DLGAP2: variants seen among roughly 807,000 people sequenced by gnomAD.
DLGAP2 encodes the protein disks large-associated protein 2.
A neutral mutation model predicts 100.3 loss-of-function variants in DLGAP2; 26 were observed. That is an observed-to-expected ratio of 0.26 (90% CI 0.19 to 0.36). DLGAP2 has a LOEUF of 0.36. Among genes scored for constraint, DLGAP2 ranks in the 10% least tolerant of loss-of-function variants. The pLI is 1.00. For missense variants in DLGAP2, 1,858 were observed against 1,453.2 expected (o/e 1.28, Z -4.53); for synonymous variants, 886 against 630.1 (o/e 1.41, Z -6.08).
chr8:1,614,829 C>G (rs1315669137), intron 6 of DLGAP2, among the ~76,000 whole-genome samples: 1 of 142,490 alleles, frequency 7.0e-6, no homozygotes, highest in Non-Finnish European at 1.5e-5. Context: ...AGCCCACACA[C>G]ACATGCATTG....
rs1052598721 is a variant in DLGAP2, at chr8:1,292,483, A to C, written c.106+33600A>C. On this transcript the variant is annotated intron_variant, in intron 3 of 14. Transcript: ENST00000637795. ...GATCAACTTGACTTCTCAGGTGAAGAAACAGCTCATCTCTTTCCTTTCTCT... is the reference window on the plus strand; with the variant it reads ...GATCAACTTGACTTCTCAGGTGAAGCAACAGCTCATCTCTTTCCTTTCTCT... Among the ~76,000 whole-genome samples the C allele has an allele frequency of 3.3e-5, 5 of 152,330 alleles. No individual in the cohort carries two copies. The East Asian group carries it at 9.6e-4, about 29-fold the overall frequency.
rs555495436 is a variant in DLGAP2, at chr8:864,852, G to A, written c.19-43060G>A. 2.0e-5 allele frequency among the ~76,000 whole-genome samples: 3 copies of A among 152,222 alleles called. No homozygotes were observed. The East Asian group carries it at 5.8e-4, about 29-fold the overall frequency. ...ATATAAAATATTAATATTTATATTG[G>A]TCAGTGTTCTCGTCATTGATAATTA... On this transcript the variant is annotated intron_variant, in intron 1 of 14. Transcript: ENST00000637795.
intron 2 of DLGAP2, among the ~76,000 whole-genome samples, chr8:972,909 G>T (rs149729236): frequency 6.8e-4 from 104 of 152,234 alleles, no homozygotes; most frequent in African/African-American, 2.4e-3. Context: ...GGACACAGCA[G>T]ATGTTTCAGA....
intron 2 of DLGAP2, among the ~76,000 whole-genome samples, chr8:1,155,948 T>C (rs1796775970): frequency 6.6e-6 from 1 of 152,026 alleles, no homozygotes; most frequent in African/African-American, 2.4e-5. Flanking sequence ...GGAGGCTGGG[T>C]GGGCGTCCCG....
intron 2 of DLGAP2, among the ~76,000 whole-genome samples, chr8:949,360 C>A (rs1373146914): frequency 6.6e-6 from 1 of 152,180 alleles, no homozygotes; most frequent in African/African-American, 2.4e-5. Context: ...GCTGGATAGT[C>A]CCAGCTGTAG....
chr8:1,104,238 C>T (rs1019634185), intron 2 of DLGAP2, among the ~76,000 whole-genome samples: 2 of 152,046 alleles, frequency 1.3e-5, no homozygotes, highest in African/African-American at 2.4e-5. Context: ...TGGAGAGGGG[C>T]GTGCACTGGA....
intron 2 of DLGAP2, among the ~76,000 whole-genome samples, chr8:995,905 TAAAGA>T (rs1800770596): frequency 6.6e-6 from 1 of 152,104 alleles, no homozygotes; most frequent in Non-Finnish European, 1.5e-5. Context: ...AGCAGGAGAC[TAAAGA>T]AAAGATGGGA....
chr8:828,182 A>T (rs977551298), intron 1 of DLGAP2, among the ~76,000 whole-genome samples: 1 of 152,228 alleles, frequency 6.6e-6, no homozygotes, highest in Non-Finnish European at 1.5e-5. Context: ...ACATCTTATC[A>T]GGAGACAGGG....
intron 1 of DLGAP2, among the ~76,000 whole-genome samples, chr8:831,872 A>G (rs1413112453): frequency 6.6e-6 from 1 of 151,966 alleles, no homozygotes; most frequent in Non-Finnish European, 1.5e-5. Flanking sequence ...CCTCGCCCAC[A>G]TCTGTTGTTT....
chr8:1,631,345 C>T (rs1797640587), intron 7 of DLGAP2, among the ~76,000 whole-genome samples: 1 of 152,116 alleles, frequency 6.6e-6, no homozygotes, highest in Non-Finnish European at 1.5e-5. Context: ...TGTACTAGGG[C>T]CTCACACAGG....
chr8:848,912 A>G (rs1289079300), intron 1 of DLGAP2, among the ~76,000 whole-genome samples: 1 of 143,914 alleles, frequency 6.9e-6, no homozygotes, highest in African/African-American at 2.6e-5. Context: ...CTGTTCCAGC[A>G]TAGGAACGCG....
intron 1 of DLGAP2, among the ~76,000 whole-genome samples, chr8:880,192 C>T (rs1459679511): frequency 6.6e-6 from 1 of 152,324 alleles, no homozygotes; most frequent in East Asian, 1.9e-4. Flanking sequence ...ACTGCACTTG[C>T]ATCTCCTTCT....
intron 1 of DLGAP2, among the ~76,000 whole-genome samples, chr8:851,257 C>A (rs1014707760): frequency 3.9e-5 from 6 of 152,278 alleles, no homozygotes; most frequent in African/African-American, 1.4e-4. Context: ...GTAGAACGCA[C>A]CATCCAGGTG....
intron 1 of DLGAP2, among the ~76,000 whole-genome samples, chr8:762,628 C>G (rs934552977): frequency 1.3e-5 from 2 of 152,060 alleles, no homozygotes; most frequent in African/African-American, 4.8e-5. Context: ...GTGAGTATGA[C>G]TCTTGAGGTC....
chr8:1,657,767 A>G (rs532176542), intron 8 of DLGAP2, among the ~76,000 whole-genome samples: 7 of 152,366 alleles, frequency 4.6e-5, no homozygotes, highest in Admixed American at 3.9e-4. Context: ...TTATTTAACC[A>G]GGACAACTGA....
At chr8:827,340 G>A (rs150586023) in intron 1 of DLGAP2, among the ~76,000 whole-genome samples, 1 of 152,270 alleles carries the variant, frequency 6.6e-6, no homozygotes, top group Admixed American at 6.5e-5. Flanking sequence ...TGTTCTTAGG[G>A]CATTGAATGG....
chr8:1,159,725 G>C (rs996702023), intron 2 of DLGAP2, among the ~76,000 whole-genome samples: 4 of 152,184 alleles, frequency 2.6e-5, no homozygotes, highest in Non-Finnish European at 4.4e-5. Flanking sequence ...GTTATACGGA[G>C]TTTGAGGCTA....
chr8:1,182,900 C>G (rs917831384), intron 2 of DLGAP2, among the ~76,000 whole-genome samples: 17 of 152,136 alleles, frequency 1.1e-4, no homozygotes, highest in African/African-American at 3.6e-4. Context: ...CAGGGGCACT[C>G]AGGATGCAGT....
chr8:1,240,134 C>T (rs1459409387), intron 2 of DLGAP2, among the ~76,000 whole-genome samples: 1 of 144,828 alleles, frequency 6.9e-6, no homozygotes, highest in Admixed American at 6.9e-5. Context: ...CACATGGTGC[C>T]ATGTGTAGTT....
Sources: gnomAD v4.1 joint callset for allele counts (sites outside exome capture counted in the v4.1 genomes callset) on GRCh38, gnomAD v4.1.1 for gene constraint, MANE v1.5 for transcripts, NCBI Gene and HGNC (gene_info 2026-07-23, HGNC 2026-07-21) for gene names.